Variants in MBD5 observed in about 807,000 individuals in gnomAD.
MBD5 encodes the protein methyl-CpG binding domain protein 5.
Under a neutral mutation model 117.3 loss-of-function variants are expected in MBD5, and 13 were observed. The observed-to-expected ratio is 0.11, with a 90% CI of 0.07 to 0.18. MBD5 has a LOEUF of 0.18. Among genes scored for constraint, MBD5 ranks in the 10% least tolerant of loss-of-function variants. The pLI, the probability that MBD5 is intolerant of heterozygous loss-of-function variation, is 1.00. For synonymous variants in MBD5, 727 were observed against 766.4 expected, an observed-to-expected ratio of 0.95 and a Z score of 0.85; for missense variants, 1,879 against 2,093.8, an observed-to-expected ratio of 0.90 and a Z score of 2.00.
At chr2:148,138,037 T>C (rs1425057907) in intron 1 of MBD5, among the ~76,000 whole-genome samples, 2 of 152,232 alleles carry the variant, frequency 1.3e-5, no homozygotes, top group Non-Finnish European at 2.9e-5. Flanking sequence ...TATTTATATA[T>C]GTCAGATTAC....
Position 148,283,307 on chromosome 2 carries a change from G to T in MBD5, c.-680+49912G>T, listed in dbSNP as rs117907935. 2.4e-4 allele frequency among the ~76,000 whole-genome samples: 36 copies of T among 152,114 alleles called. No individual in the cohort carries two copies. In the East Asian group the frequency reaches 6.6e-3, roughly 28 times the overall value. On this transcript the variant is annotated intron_variant, in intron 3 of 13. Coordinates refer to ENST00000642680, the MANE Select transcript of MBD5 (RefSeq NM_001378120.1). Reference sequence around the variant, plus strand: ...AGTTATTGGCTCTCCAATCCATCCTGCACTTTTTGCAGTAAGGAAAAACTC... The same window carrying T: ...AGTTATTGGCTCTCCAATCCATCCTTCACTTTTTGCAGTAAGGAAAAACTC...
intron 1 of MBD5, among the ~76,000 whole-genome samples, chr2:148,156,435 C>T (rs1172699501): frequency 1.3e-5 from 2 of 152,194 alleles, no homozygotes; most frequent in East Asian, 1.9e-4. Flanking sequence ...CCGCCAACCT[C>T]ATGAATTCAT....
chr2:148,499,851 G>A (rs1001574096), intron 11 of MBD5, among the ~76,000 whole-genome samples: 1 of 152,004 alleles, frequency 6.6e-6, no homozygotes, highest in Non-Finnish European at 1.5e-5. Flanking sequence ...TCAAATGTAT[G>A]AATATTTCCC....
At chr2:148,474,510 T>G (rs1680897406) in intron 8 of MBD5, among the ~76,000 whole-genome samples, 1 of 152,174 alleles carries the variant, frequency 6.6e-6, no homozygotes, top group East Asian at 1.9e-4. Context: ...AAAATGACTT[T>G]TATGTTCTCT....
intron 1 of MBD5, among the ~76,000 whole-genome samples, chr2:148,063,011 CT>C: frequency 6.6e-6 from 1 of 152,076 alleles, no homozygotes; most frequent in East Asian, 1.9e-4. Context: ...TCCTTGAGAT[CT>C]ATGACCCAGT....
chr2:148,115,958 C>T (rs1383769821), intron 1 of MBD5, among the ~76,000 whole-genome samples: 1 of 152,026 alleles, frequency 6.6e-6, no homozygotes, highest in Non-Finnish European at 1.5e-5. Flanking sequence ...ATCCTCCTAC[C>T]TCAGCCTCCC....
rs1185630496 is a variant in MBD5, at chr2:148,306,373, T to C, written c.-679-35841T>C. ...TCATATCTGATTCTGTGTACTTCAT[T>C]CTAAAATATGCCATTCCAGTCAAAG... is the stretch of plus-strand genomic sequence containing the variant. On this transcript the variant is annotated intron_variant, in intron 3 of 13. Transcript: ENST00000642680. Among the ~76,000 whole-genome samples, 3 of 152,218 alleles carry C rather than the reference T, an allele frequency of 2.0e-5. No individual in the cohort carries two copies. In the South Asian group the frequency reaches 6.2e-4, roughly 32 times the overall value.
At chr2:148,279,414 G>A (rs1701187471) in intron 3 of MBD5, among the ~76,000 whole-genome samples, 1 of 152,166 alleles carries the variant, frequency 6.6e-6, no homozygotes, top group South Asian at 2.1e-4. Context: ...TGGGCAACAA[G>A]CAAGACCTTG....
At chr2:148,443,054 A>G (rs1446739237) in intron 4 of MBD5, among the ~76,000 whole-genome samples, 1 of 151,494 alleles carries the variant, frequency 6.6e-6, no homozygotes, top group Admixed American at 6.6e-5. Context: ...TAGGAAAAAA[A>G]TCTAATAGTC....
intron 4 of MBD5, among the ~76,000 whole-genome samples, chr2:148,427,813 T>C (rs928096432): frequency 6.8e-6 from 1 of 146,852 alleles, no homozygotes; most frequent in Non-Finnish European, 1.5e-5. Flanking sequence ...AATAAAAAAA[T>C]GAAAAAAGAA....
intron 2 of MBD5, among the ~76,000 whole-genome samples, chr2:148,213,579 A>G (rs11676307): frequency 0.021 from 3,168 of 152,292 alleles, 42 homozygotes; most frequent in Non-Finnish European, 0.028. Context: ...AAGTACATGC[A>G]AAACTGTGTT....
At chr2:148,143,841 C>A (rs1697376685) in intron 1 of MBD5, among the ~76,000 whole-genome samples, 2 of 152,170 alleles carry the variant, frequency 1.3e-5, no homozygotes, top group East Asian at 1.9e-4. Context: ...TTTTCTTAAT[C>A]CAGTCTATCA....
At chr2:148,300,344 C>T (rs988655160) in intron 3 of MBD5, among the ~76,000 whole-genome samples, 5 of 152,110 alleles carry the variant, frequency 3.3e-5, no homozygotes, top group African/African-American at 4.8e-5. Flanking sequence ...TGAGCCATTG[C>T]GCCCGGGCAT....
intron 8 of MBD5, among the ~76,000 whole-genome samples, chr2:148,473,417 A>G (rs1313032801): frequency 6.6e-6 from 1 of 152,120 alleles, no homozygotes; most frequent in Non-Finnish European, 1.5e-5. Flanking sequence ...GAGGATGAAA[A>G]AAACCAACAG....
At chr2:148,331,082 A>G (rs997574942) in intron 3 of MBD5, among the ~76,000 whole-genome samples, 8 of 152,196 alleles carry the variant, frequency 5.3e-5, no homozygotes, top group Non-Finnish European at 1.2e-4. Flanking sequence ...CATATCTGCT[A>G]TATGCTAGCT....
At chr2:148,499,240 C>A (rs1681799100) in intron 11 of MBD5, among the ~76,000 whole-genome samples, 1 of 152,146 alleles carries the variant, frequency 6.6e-6, no homozygotes, top group African/African-American at 2.4e-5. Context: ...GAGGTCGAGG[C>A]TGCAGTGAGC....
chr2:148,354,271 C>T (rs1177090842), intron 4 of MBD5, among the ~76,000 whole-genome samples: 1 of 151,718 alleles, frequency 6.6e-6, no homozygotes, highest in Non-Finnish European at 1.5e-5. Context: ...TTGCCCTCCA[C>T]CCCCCACCAA....
intron 3 of MBD5, among the ~76,000 whole-genome samples, chr2:148,286,488 T>A (rs181886420): frequency 6.6e-6 from 1 of 152,324 alleles, no homozygotes; most frequent in East Asian, 1.9e-4. Context: ...TAAGCTGTAA[T>A]CACTTTCTCA....
chr2:148,228,329 G>A (rs1166921140), intron 2 of MBD5, among the ~76,000 whole-genome samples: 1 of 152,124 alleles, frequency 6.6e-6, no homozygotes, highest in Non-Finnish European at 1.5e-5. Flanking sequence ...AAGCATTGTT[G>A]AATTTTGTCA....
Sources: gnomAD v4.1 joint callset for allele counts (sites outside exome capture counted in the v4.1 genomes callset) on GRCh38, gnomAD v4.1.1 for gene constraint, MANE v1.5 for transcripts, NCBI Gene and HGNC (gene_info 2026-07-23, HGNC 2026-07-21) for gene names.